GORASP2: variants seen among roughly 807,000 people sequenced by gnomAD.
GORASP2 encodes the protein Golgi reassembly-stacking protein 2.
A neutral mutation model predicts 45.7 loss-of-function variants in GORASP2; 22 were observed. The ratio of observed to expected loss-of-function variants is 0.48; its 90% confidence interval spans 0.34 to 0.69. The LOEUF (loss-of-function observed/expected upper bound fraction) is 0.69, where lower values mean the gene tolerates loss of function less well. Ranked by LOEUF, GORASP2 falls within the 30% of genes least tolerant of loss-of-function variation. The pLI is 0.01. For missense variants in GORASP2, 491 were observed against 562.7 expected (o/e 0.87, Z 1.29); for synonymous variants, 221 against 215.6 (o/e 1.02, Z -0.22).
intron 5 of GORASP2, 116 bp downstream of exon 5, chr2:170,951,574 TAAAAA>T: frequency 1.2e-6 from 1 of 826,006 alleles, no homozygotes; most frequent in Non-Finnish European, 1.8e-6. Flanking sequence ...AGACTCCTCT[TAAAAA>T]AAAGGGAAGA....
intron 5 of GORASP2, among the ~76,000 whole-genome samples, chr2:170,951,980 A>C (rs1704310175): frequency 6.6e-6 from 1 of 152,248 alleles, no homozygotes; most frequent in Non-Finnish European, 1.5e-5. Context: ...TACTTGATCA[A>C]ATTATCATTG....
intron 6 of GORASP2, 37 bp from the exon 7 acceptor site, chr2:170,956,399 T>A (rs1448875209): frequency 6.4e-7 from 1 of 1,559,694 alleles, no homozygotes; most frequent in Non-Finnish European, 8.6e-7. Flanking sequence ...GAAATAAACT[T>A]AAGTAATCTT....
At chr2:170,935,341 G>T (rs542007857) in intron 1 of GORASP2, among the ~76,000 whole-genome samples, 1 of 151,608 alleles carries the variant, frequency 6.6e-6, no homozygotes, top group African/African-American at 2.4e-5. Flanking sequence ...TGCAACTTCC[G>T]CCACTCCAGT....
In GORASP2 at chr2:170,951,372, A is replaced by G. The variant is rs2105322266; in HGVS notation, c.480A>G (p.Pro160=). The change falls in exon 5 of 10, where the codon CCA becomes CCG. Residue 160 remains proline, a synonymous_variant. Transcript: ENST00000234160. ...TTATCGAAACACATGAAGCAAAACCATTGAAACTGTATGTGTACAACACAG... is the reference window on the plus strand; with the variant it reads ...TTATCGAAACACATGAAGCAAAACCGTTGAAACTGTATGTGTACAACACAG... ...FSLIETHEAK[P]LKLYVYNTDT... 1.2e-6 allele frequency: 2 copies of G among 1,609,976 alleles called. No individual in the cohort carries two copies. The highest frequency in any genetic ancestry group is 1.7e-4 in the Middle Eastern group (1 of 6,050).
intron 1 of GORASP2, among the ~76,000 whole-genome samples, chr2:170,935,542 A>G (rs1703929087): frequency 6.6e-6 from 1 of 150,656 alleles, no homozygotes; most frequent in South Asian, 2.1e-4. Context: ...GGTGGGAGCC[A>G]CTGCACCCAG....
At chr2:170,961,291 T>C (rs1390735532) in intron 7 of GORASP2, among the ~76,000 whole-genome samples, 1 of 152,228 alleles carries the variant, frequency 6.6e-6, no homozygotes, top group East Asian at 1.9e-4. Flanking sequence ...TTACGTGGCA[T>C]CTTAGTTTAG....
chr2:170,945,754 A>G (rs1704168456), intron 1 of GORASP2, among the ~76,000 whole-genome samples: 1 of 152,206 alleles, frequency 6.6e-6, no homozygotes, highest in Non-Finnish European at 1.5e-5. Context: ...AATAAAAGGT[A>G]ACATTAAGAG....
At chr2:170,956,137 A>G (rs898382158) in intron 6 of GORASP2, among the ~76,000 whole-genome samples, 1 of 152,246 alleles carries the variant, frequency 6.6e-6, no homozygotes, top group Non-Finnish European at 1.5e-5. Context: ...TGGTGAGGAA[A>G]GAGGAGAGAG....
At chr2:170,933,987 A>G (rs538236604) in intron 1 of GORASP2, among the ~76,000 whole-genome samples, 2,188 of 29,786 alleles carry the variant, frequency 0.073, 23 homozygotes, top group Non-Finnish European at 0.15. Context: ...AATTACTTCT[A>G]TAGAAAATGC....
intron 1 of GORASP2, among the ~76,000 whole-genome samples, chr2:170,936,152 A>G (rs973247238): frequency 5.3e-5 from 8 of 150,722 alleles, no homozygotes; most frequent in Non-Finnish European, 1.5e-5. Context: ...GATTATATAT[A>G]TTGATTGATT....
intron 1 of GORASP2, among the ~76,000 whole-genome samples, chr2:170,934,829 C>T (rs1703909260): frequency 6.6e-6 from 1 of 151,452 alleles, no homozygotes; most frequent in Non-Finnish European, 1.5e-5. Flanking sequence ...CCTCCGCCTC[C>T]GAAGTCCAAG....
At chr2:170,957,049 A>T (rs1327941087) in intron 7 of GORASP2, among the ~76,000 whole-genome samples, 2 of 152,208 alleles carry the variant, frequency 1.3e-5, no homozygotes, top group Non-Finnish European at 2.9e-5. Flanking sequence ...CACCATGTGG[A>T]TACACACGGG....
chr2:170,940,839 T>C (rs1704059652), intron 1 of GORASP2, among the ~76,000 whole-genome samples: 1 of 152,178 alleles, frequency 6.6e-6, no homozygotes, highest in Non-Finnish European at 1.5e-5. Flanking sequence ...TATTGTGATA[T>C]TGTGTTTTGA....
intron 1 of GORASP2, among the ~76,000 whole-genome samples, chr2:170,937,207 C>CA (rs573831555): frequency 6.6e-4 from 94 of 143,398 alleles, no homozygotes; most frequent in Middle Eastern, 3.6e-3. Context: ...GACTCCATCA[C>CA]AAAAAAAAAA....
rs1704695033 is a variant in GORASP2, at chr2:170,966,659, A to G, written c.*529A>G. The G allele has an allele frequency of 5.9e-6, 1 of 168,432 alleles. No individual in the cohort carries two copies. Among genetic ancestry groups the G allele is most frequent in the African/African-American group, 2.4e-5 (1 of 41,526 alleles). 10.4% of individuals were successfully genotyped at this position (168,432 alleles called of 1,614,324 possible). A position where few individuals can be genotyped will look rare whatever the true frequency, so the allele number is the denominator to read the frequency against. On this transcript the variant is annotated 3_prime_UTR_variant, in exon 10 of 10. Transcript: ENST00000234160. ...GGAATTCCACCTGAAGACTTGTGTT[A>G]AAGTTCTACAGCGCGCACTGTTAAC...
intron 7 of GORASP2, among the ~76,000 whole-genome samples, chr2:170,961,234 A>G (rs910539595): frequency 1.3e-5 from 2 of 152,234 alleles, no homozygotes; most frequent in Non-Finnish European, 1.5e-5. Context: ...TTCACAGACT[A>G]GCATTCACTG....
At chr2:170,940,006 TAGAAG>T (rs1233699959) in intron 1 of GORASP2, among the ~76,000 whole-genome samples, 20 of 151,658 alleles carry the variant, frequency 1.3e-4, no homozygotes, top group African/African-American at 4.8e-4. Context: ...GGGAGAGTGT[TAGAAG>T]AGATGATAGT....
intron 7 of GORASP2, among the ~76,000 whole-genome samples, chr2:170,957,001 G>C (rs754504658): frequency 3.3e-5 from 5 of 152,216 alleles, no homozygotes; most frequent in Non-Finnish European, 5.9e-5. Flanking sequence ...TATGTACTCT[G>C]TGTTGACAGG....
chr2:170,958,722 TG>T (rs1409833695), intron 7 of GORASP2, among the ~76,000 whole-genome samples: 22 of 144,656 alleles, frequency 1.5e-4, no homozygotes, highest in African/African-American at 4.4e-4. Flanking sequence ...TAGAGTACAG[TG>T]GCACTATCTC....
Sources: gnomAD v4.1 joint callset for allele counts (sites outside exome capture counted in the v4.1 genomes callset) on GRCh38, gnomAD v4.1.1 for gene constraint, MANE v1.5 for transcripts, NCBI Gene and HGNC (gene_info 2026-07-23, HGNC 2026-07-21) for gene names.